The following ATP8A2 variants were observed in gnomAD, a reference collection of about 807,000 sequenced individuals.
ATP8A2 encodes the protein ATPase phospholipid transporting 8A2.
A neutral mutation model predicts 165.6 loss-of-function variants in ATP8A2; 100 were observed. The observed-to-expected ratio is 0.60, with a 90% CI of 0.51 to 0.71. The LOEUF is 0.71. ATP8A2 is among the 30% of genes least tolerant of loss of function. The pLI is 0.00. For synonymous variants in ATP8A2, 543 were observed against 548.8 expected (o/e 0.99, Z 0.15); for missense variants, 1,227 against 1,479.5 (o/e 0.83, Z 2.80).
intron 33 of ATP8A2, among the ~76,000 whole-genome samples, chr13:25,866,115 G>A (rs1259972519): frequency 1.3e-5 from 2 of 152,192 alleles, no homozygotes; most frequent in Non-Finnish European, 2.9e-5. Context: ...GTCAGGAAAT[G>A]TGTTTCTGTT....
rs1397506661 is a variant in ATP8A2, at chr13:25,898,443, G to T, written c.3183+36035G>T. Among the ~76,000 whole-genome samples, 5 of 152,162 alleles carry T rather than the reference G, an allele frequency of 3.3e-5. No homozygotes were observed. The South Asian group carries it at 1.0e-3, about 32-fold the overall frequency. ...AGGTGTCAGTCCGCCCCTACTGGGGGGTGCCTCCAAGTTAGGCTACTCGGG... is the reference window on the plus strand; with the variant it reads ...AGGTGTCAGTCCGCCCCTACTGGGGTGTGCCTCCAAGTTAGGCTACTCGGG... On this transcript the variant is annotated intron_variant, in intron 33 of 36. Transcript: ENST00000381655.
intron 33 of ATP8A2, among the ~76,000 whole-genome samples, chr13:25,886,698 C>T (rs1239637437): frequency 5.9e-5 from 9 of 152,194 alleles, no homozygotes; most frequent in Non-Finnish European, 1.5e-5. Context: ...AGAGCCTCTT[C>T]GTGCCATCTG....
At chr13:25,860,729 G>A in intron 31 of ATP8A2, 75 bp from the exon 32 acceptor site, 1 of 1,186,200 alleles carries the variant, frequency 8.4e-7, no homozygotes, top group Non-Finnish European at 1.2e-6. Flanking sequence ...GGAGTGGAGA[G>A]ATGGGATTTC....
At chr13:25,546,640 G>T (rs2038659137) in intron 10 of ATP8A2, among the ~76,000 whole-genome samples, 1 of 151,772 alleles carries the variant, frequency 6.6e-6, no homozygotes, top group Non-Finnish European at 1.5e-5. Context: ...TGATTTAATG[G>T]GAAAAAGAGC....
intron 35 of ATP8A2, among the ~76,000 whole-genome samples, chr13:25,979,489 A>C (rs1165748963): frequency 6.6e-6 from 1 of 152,152 alleles, no homozygotes; most frequent in Non-Finnish European, 1.5e-5. Context: ...TGATAATATG[A>C]TTATTCAGTG....
intron 6 of ATP8A2, 32 bp from the exon 7 acceptor site, chr13:25,537,956 G>A (rs202168200): frequency 1.1e-4 from 166 of 1,485,944 alleles, no homozygotes; most frequent in African/African-American, 1.0e-3. Flanking sequence ...CTTTTCTTTC[G>A]TGCCCCTCTG....
intron 36 of ATP8A2, among the ~76,000 whole-genome samples, chr13:26,014,544 G>C (rs1484841731): frequency 6.6e-6 from 1 of 152,066 alleles, no homozygotes. Context: ...GCTACTTTTC[G>C]AGAGGCCTGT....
chr13:25,845,461 C>T (rs1448185369), intron 30 of ATP8A2, among the ~76,000 whole-genome samples: 1 of 152,144 alleles, frequency 6.6e-6, no homozygotes, highest in African/African-American at 2.4e-5. Flanking sequence ...AACATTTGTT[C>T]TTGATTCCCC....
At chr13:25,809,552 A>G (rs1258396241) in intron 27 of ATP8A2, among the ~76,000 whole-genome samples, 3 of 151,938 alleles carry the variant, frequency 2.0e-5, no homozygotes, top group Admixed American at 2.0e-4. Context: ...ATTCCTTATT[A>G]TGCTCCAGCT....
chr13:25,507,339 C>G (rs947646005), intron 2 of ATP8A2, among the ~76,000 whole-genome samples: 3 of 151,810 alleles, frequency 2.0e-5, no homozygotes, highest in South Asian at 2.1e-4. Flanking sequence ...GATCTTGGCT[C>G]ACTGCAGTCT....
intron 1 of ATP8A2, among the ~76,000 whole-genome samples, chr13:25,373,713 G>A (rs998238416): frequency 2.0e-5 from 3 of 152,200 alleles, no homozygotes; most frequent in African/African-American, 7.2e-5. Flanking sequence ...GGAGGACCAG[G>A]GTTCTCTTTT....
intron 8 of ATP8A2, among the ~76,000 whole-genome samples, chr13:25,540,812 A>G (rs777004760): frequency 6.6e-6 from 1 of 152,066 alleles, no homozygotes; most frequent in Non-Finnish European, 1.5e-5. Flanking sequence ...CCTTAAAGAA[A>G]ACTATTCTTA....
In ATP8A2 at chr13:26,022,859, G is replaced by T. The variant is rs573782759; in HGVS notation, c.*2874G>T. On this transcript the variant is annotated 3_prime_UTR_variant, in exon 37 of 37. Transcript: ENST00000381655. ...GGCTGGCAGGTCACGCTCGGTTAGC[G>T]CTCCAGGGCCTGACTCTGGATTGAG... The T allele has an allele frequency of 6.6e-6, 1 of 152,252 alleles. No homozygotes were observed. The highest frequency in any genetic ancestry group is 2.4e-5 in the African/African-American group (1 of 41,434). 9.4% of individuals were successfully genotyped at this position (152,252 alleles called of 1,614,324 possible). A position where few individuals can be genotyped will look rare whatever the true frequency, so the allele number is the denominator to read the frequency against.
At chr13:25,977,257 G>C (rs958742716) in intron 35 of ATP8A2, among the ~76,000 whole-genome samples, 1 of 151,926 alleles carries the variant, frequency 6.6e-6, no homozygotes, top group African/African-American at 2.4e-5. Context: ...CTTGGGCAAA[G>C]CCTAATGCCG....
At chr13:25,860,114 G>T (rs558598145) in intron 30 of ATP8A2, 81 bp from the exon 31 acceptor site, 4 of 839,668 alleles carry the variant, frequency 4.8e-6, no homozygotes, top group African/African-American at 1.7e-5. Context: ...TGTTCCTAAA[G>T]TTCCCTGTTT....
intron 24 of ATP8A2, among the ~76,000 whole-genome samples, chr13:25,659,351 C>T (rs564059322): frequency 1.4e-4 from 22 of 152,298 alleles, no homozygotes; most frequent in African/African-American, 5.1e-4. Flanking sequence ...GATCGAGTTT[C>T]ATTTAATTAG....
At chr13:25,571,348 C>A (rs549854856) in intron 17 of ATP8A2, among the ~76,000 whole-genome samples, 1 of 152,284 alleles carries the variant, frequency 6.6e-6, no homozygotes, top group East Asian at 1.9e-4. Context: ...AACTTGATCC[C>A]AAGCGAGAAT....
intron 13 of ATP8A2, among the ~76,000 whole-genome samples, chr13:25,556,576 C>G (rs2038988508): frequency 6.6e-6 from 1 of 152,136 alleles, no homozygotes. Context: ...TCTGTTTACT[C>G]TGTTGGTAGT....
At chr13:25,803,402 C>A (rs1950662407) in intron 27 of ATP8A2, among the ~76,000 whole-genome samples, 2 of 152,094 alleles carry the variant, frequency 1.3e-5, no homozygotes, top group African/African-American at 2.4e-5. Context: ...ACAGTTAAAT[C>A]TACAACATAG....
Sources: allele counts gnomAD v4.1 joint callset (sites outside exome capture counted in the v4.1 genomes callset), GRCh38; gene constraint gnomAD v4.1.1; transcripts MANE v1.5; gene names NCBI Gene and HGNC (gene_info 2026-07-23, HGNC 2026-07-21).